Variants in AREG observed in about 807,000 individuals in gnomAD.
The protein encoded by AREG is amphiregulin.
In AREG, 16 loss-of-function variants were observed where a neutral mutation model predicts 28.0. The ratio of observed to expected loss-of-function variants is 0.57; its 90% CI spans 0.39 to 0.87. The LOEUF (loss-of-function observed/expected upper bound fraction) is 0.87. Among genes scored for constraint, AREG ranks in the 40% least tolerant of loss-of-function variants. The pLI is 0.00. For missense variants in AREG, 287 were observed against 309.1 expected, an observed-to-expected ratio of 0.93 and a Z score of 0.53; for synonymous variants, 113 against 113.5, an observed-to-expected ratio of 1.00 and a Z score of 0.02.
At chr4:74,454,716 T>G (rs1719435090) in intron 5 of AREG, 43 bp from the exon 6 acceptor site, 3 of 656,972 alleles carry the variant, frequency 4.6e-6, no homozygotes, top group Non-Finnish European at 8.2e-6. Flanking sequence ...TCTGTAACAT[T>G]TTGTTTTATT....
Position 74,445,356 on chromosome 4 carries a change from C to T in AREG, c.11C>T (p.Pro4Leu), listed in dbSNP as rs749414466. MRA[P>L]LLPPAPVVLS... Reference sequence around the variant, plus strand: ...CGCTGCGAAGGACCAATGAGAGCCCCGCTGCTACCGCCGGCGCCGGTGGTG... The same window carrying T: ...CGCTGCGAAGGACCAATGAGAGCCCTGCTGCTACCGCCGGCGCCGGTGGTG... Residue 4 changes from proline to leucine, a missense_variant, in exon 1 of 6, where the codon CCG becomes CTG. By Grantham distance (98) the Pro-to-Leu change is moderately conservative (BLOSUM62 -3). Transcript: ENST00000395748. 2 of 1,610,622 alleles carry T rather than the reference C, an allele frequency of 1.2e-6. No individual in the cohort carries two copies. The highest frequency in any genetic ancestry group is 1.7e-6 in the Non-Finnish European group (2 of 1,179,412).
chr4:74,451,233 A>G (rs1399944626), intron 4 of AREG, among the ~76,000 whole-genome samples: 1 of 152,186 alleles, frequency 6.6e-6, no homozygotes, highest in African/African-American at 2.4e-5. Flanking sequence ...AGTAAATGTT[A>G]GGACTAGACT....
chr4:74,452,108 A>G (rs1354151452), intron 4 of AREG, among the ~76,000 whole-genome samples: 1 of 152,186 alleles, frequency 6.6e-6, no homozygotes. Flanking sequence ...CTAGAAGGAT[A>G]TATTTTATAC....
At position 74,445,327 on chromosome 4, in the gene AREG, C is replaced by A; in HGVS notation, c.-19C>A. ...CCGAGTTGCCCCAGAGACCGAGACG[C>A]CGCCGCTGCGAAGGACCAATGAGAG... is the stretch of plus-strand genomic sequence containing the variant. On this transcript the variant is annotated 5_prime_UTR_variant, in exon 1 of 6. Coordinates refer to ENST00000395748, the MANE Select transcript of AREG (RefSeq NM_001657.4). 1 of 1,607,796 alleles carries A rather than the reference C, an allele frequency of 6.2e-7. No individual in the cohort carries two copies. Among genetic ancestry groups the A allele is most frequent in the Non-Finnish European group, 8.5e-7 (1 of 1,178,546 alleles).
Position 74,446,653 on chromosome 4 carries a change from A to T in AREG, c.181A>T (p.Ser61Cys), listed in dbSNP as rs761715191. The T allele has an allele frequency of 9.9e-6, 16 of 1,613,860 alleles. No individual in the cohort carries two copies. The South Asian group carries it at 1.1e-4, about 11-fold the overall frequency. The change falls in exon 2 of 6, where the codon AGT (serine) becomes TGT (cysteine). Residue 61 changes from serine (S) to cysteine (C), a missense_variant. Transcript: ENST00000395748. Reference sequence around the variant, plus strand: ...CTCAAGAAGTGAGATGTCTTCAGGGAGTGAGATTTCCCCTGTGAGTGAAAT... The same window carrying T: ...CTCAAGAAGTGAGATGTCTTCAGGGTGTGAGATTTCCCCTGTGAGTGAAAT... ...VTSRSEMSSGSEISPVSEMPS... is the reference protein window; with the variant it reads ...VTSRSEMSSGCEISPVSEMPS...
chr4:74,445,144 G>A lies in AREG; in HGVS notation c.-202G>A. 3 of 1,207,194 alleles carry A rather than the reference G, an allele frequency of 2.5e-6. No homozygotes were observed. The highest frequency in any genetic ancestry group is 3.4e-6 in the Non-Finnish European group (3 of 890,836). The allele number at this position is 1,207,194 out of a possible 1,614,324, so 74.8% of individuals were successfully genotyped here. A position where few individuals can be genotyped will look rare whatever the true frequency, so the allele number is the denominator to read the frequency against. On this transcript the variant is annotated 5_prime_UTR_variant, in exon 1 of 6. Transcript: ENST00000395748. ...GGTGCGCGCCGCCCTACAGACGTTC[G>A]CACACCTGGGTGCCAGCGCCCCAGA...
At position 74,449,091 on chromosome 4, in the gene AREG, A is replaced by G. The variant is rs764174822; in HGVS notation, c.355A>G (p.Asn119Asp). The G allele has an allele frequency of 1.6e-5, 25 of 1,611,828 alleles. No individual in the cohort carries two copies. Among genetic ancestry groups the G allele is most frequent in the Non-Finnish European group, 8.5e-7 (1 of 1,179,648 alleles). ...KPPQNKTESE[N>D]TSDKPKRKKK... ...CCCCCAAAACAAGACGGAAAGTGAA[A>G]ATACTTCAGATAAACCCAAAAGAAA... The change falls in exon 3 of 6, where the codon AAT becomes GAT. Residue 119 changes from asparagine (N) to aspartate (D), a missense_variant. Coordinates refer to ENST00000395748, the MANE Select transcript of AREG (RefSeq NM_001657.4).
chr4:74,445,949 G>A (rs1050624378), intron 1 of AREG, among the ~76,000 whole-genome samples: 1 of 151,948 alleles, frequency 6.6e-6, no homozygotes, highest in African/African-American at 2.4e-5. Flanking sequence ...TGTCTATGTA[G>A]TAATAATAAT....
At chr4:74,454,023 A>T (rs1719422058) in intron 5 of AREG, among the ~76,000 whole-genome samples, 1 of 151,952 alleles carries the variant, frequency 6.6e-6, no homozygotes, top group African/African-American at 2.4e-5. Flanking sequence ...TTTAATGTAC[A>T]CTCCAGATGG....
In AREG at chr4:74,449,081, G is replaced by A. The variant is rs1408217180; in HGVS notation, c.345G>A (p.Thr115=). 38 of 1,609,748 alleles carry A rather than the reference G, an allele frequency of 2.4e-5. No homozygotes were observed. Among genetic ancestry groups the A allele is most frequent in the East Asian group, 8.9e-5 (4 of 44,724 alleles). ...TAGTTAAGCCCCCCCAAAACAAGAC[G>A]GAAAGTGAAAATACTTCAGATAAAC... is the stretch of plus-strand genomic sequence containing the variant. ...EQVVKPPQNK[T]ESENTSDKPK... Residue 115 remains threonine (T), a synonymous_variant, in exon 3 of 6, where the codon ACG becomes ACA. Coordinates refer to ENST00000395748, the MANE Select transcript of AREG (RefSeq NM_001657.4).
At chr4:74,449,271 G>A (rs758365280) in intron 3 of AREG, 23 bp downstream of exon 3, 1 of 1,613,482 alleles carries the variant, frequency 6.2e-7, no homozygotes, top group Non-Finnish European at 8.5e-7. Context: ...AAAGCATATA[G>A]AATTTTGTAT....
At chr4:74,454,185 T>C (rs946096005) in intron 5 of AREG, among the ~76,000 whole-genome samples, 74 of 152,350 alleles carry the variant, frequency 4.9e-4, no homozygotes, top group Non-Finnish European at 9.6e-4. Flanking sequence ...ATTTTTAATG[T>C]ATTGGCTAAT....
At position 74,445,218 on chromosome 4, in the gene AREG, A is replaced by G; in HGVS notation, c.-128A>G. The G allele has an allele frequency of 6.6e-7, 1 of 1,520,930 alleles. No homozygotes were observed. Among genetic ancestry groups the G allele is most frequent in the South Asian group, 1.2e-5 (1 of 80,612 alleles). 94.2% of individuals were successfully genotyped at this position (1,520,930 alleles called of 1,614,324 possible). On this transcript the variant is annotated 5_prime_UTR_variant, in exon 1 of 6. Transcript: ENST00000395748. ...CGCGCCCGCCGCCCCGAGCTCCCCA[A>G]GCCTTCGAGAGCGGCGCACACTCCC...
Position 74,446,440 on chromosome 4 carries a change from G to C in AREG, c.62-94G>C, listed in dbSNP as rs1719287624. On this transcript the variant is annotated intron_variant, in intron 1 of 5. Coordinates refer to ENST00000395748, the MANE Select transcript of AREG (RefSeq NM_001657.4). The stretch of plus-strand genomic sequence containing the variant: ...ATAGCACATGTGCAATAACTGCTTT[G>C]ATGTCAAAAGATAAACTTTTCTACC... The C allele has an allele frequency of 1.9e-6, 3 of 1,604,196 alleles. No homozygotes were observed. The African/African-American group carries it at 4.0e-5, about 22-fold the overall frequency.
At chr4:74,451,338 G>C (rs1349571989) in intron 4 of AREG, among the ~76,000 whole-genome samples, 2 of 152,156 alleles carry the variant, frequency 1.3e-5, no homozygotes, top group African/African-American at 4.8e-5. Context: ...GACATGAATG[G>C]CTCTGTGATG....
intron 5 of AREG, 122 bp from the exon 6 acceptor site, chr4:74,454,637 C>G (rs1351067318): frequency 3.7e-6 from 2 of 538,700 alleles, no homozygotes; most frequent in Non-Finnish European, 6.4e-6. Context: ...TACTAGAAAA[C>G]AACTGACAGA....
In AREG at chr4:74,446,403, C is replaced by G. The variant is rs1363474496; in HGVS notation, c.62-131C>G. ...TAAAGTTTCTTTCATAGAAATGACT[C>G]AATCACAAACAATAGCACATGTGCA... On this transcript the variant is annotated intron_variant, in intron 1 of 5. Coordinates refer to ENST00000395748, the MANE Select transcript of AREG (RefSeq NM_001657.4). 4.0e-6 allele frequency: 6 copies of G among 1,511,064 alleles called. No homozygotes were observed. The Admixed American group carries it at 7.4e-5, about 19-fold the overall frequency. The allele number at this position is 1,511,064 out of a possible 1,614,324, so 93.6% of individuals were successfully genotyped here.
In AREG at chr4:74,448,863, G is replaced by GA. The variant is rs1167312836; in HGVS notation, c.311-178dup. 6.9e-6 allele frequency: 6 copies of GA among 874,142 alleles called. No individual in the cohort carries two copies. In the East Asian group the frequency reaches 1.4e-4, roughly 20 times the overall value. 54.1% of individuals were successfully genotyped at this position (874,142 alleles called of 1,614,324 possible). On this transcript the variant is annotated intron_variant, in intron 2 of 5. Coordinates refer to ENST00000395748, the MANE Select transcript of AREG (RefSeq NM_001657.4). ...CATGAGTGGACACTACTTTCAGGTAGAAAAAACTGAAAATTATAAATTAGG... is the reference window on the plus strand; with the variant it reads ...CATGAGTGGACACTACTTTCAGGTAGAAAAAAACTGAAAATTATAAATTAGG...
intron 1 of AREG, among the ~76,000 whole-genome samples, chr4:74,446,162 C>A (rs2110410571): frequency 6.6e-6 from 1 of 152,194 alleles, no homozygotes; most frequent in South Asian, 2.1e-4. Context: ...CCGAAATAGG[C>A]CAGGATGGCA....
Sources: allele counts gnomAD v4.1 joint callset (sites outside exome capture counted in the v4.1 genomes callset), GRCh38; gene constraint gnomAD v4.1.1; transcripts MANE v1.5; gene names NCBI Gene and HGNC (gene_info 2026-07-23, HGNC 2026-07-21).